The following ZNF177 variants were observed in gnomAD, a reference collection of about 807,000 sequenced individuals.
The protein encoded by ZNF177 is zinc finger protein 177.
A neutral mutation model predicts 19.4 loss-of-function variants in ZNF177; 17 were observed. That is an observed-to-expected ratio of 0.87 (90% confidence interval 0.60 to 1.31). ZNF177 has a LOEUF of 1.31. Ranked by LOEUF, ZNF177 falls within the 40% of genes most tolerant of loss-of-function variation. The pLI is 0.00. For synonymous variants in ZNF177, 220 were observed against 188.7 expected (o/e 1.17, Z -1.36); for missense variants, 633 against 561.8 (o/e 1.13, Z -1.28).
intron 2 of ZNF177, among the ~76,000 whole-genome samples, chr19:9,365,307 A>G (rs1034779837): frequency 6.6e-6 from 1 of 151,784 alleles, no homozygotes; most frequent in Non-Finnish European, 1.5e-5. Context: ...ATAGTGAAGG[A>G]GGCAAGCCCA....
At chr19:9,365,553 G>A (rs929054801) in intron 2 of ZNF177, among the ~76,000 whole-genome samples, 1 of 151,632 alleles carries the variant, frequency 6.6e-6, no homozygotes, top group East Asian at 1.9e-4. Flanking sequence ...CCCCAGAAAA[G>A]CAGTACTTGC....
exon 3 of ZNF177, chr19:9,378,992 G>C (rs2068150471): frequency 6.2e-7 from 1 of 1,609,506 alleles, no homozygotes; most frequent in African/African-American, 1.3e-5. Flanking sequence ...AGTGGCAGTG[G>C]ACTTTTCCCA....
chr19:9,376,023 T>C (rs1406228954), upstream of ZNF177, among the ~76,000 whole-genome samples: 2 of 152,210 alleles, frequency 1.3e-5, no homozygotes, highest in Non-Finnish European at 2.9e-5. Context: ...CTTTTTACTT[T>C]CGGGCTACAT....
At chr19:9,377,898 A>G (rs2122546205) in intron 1 of ZNF177, among the ~76,000 whole-genome samples, 1 of 152,288 alleles carries the variant, frequency 6.6e-6, no homozygotes, top group Admixed American at 6.5e-5. Flanking sequence ...AGATATTCCA[A>G]ACTCATCTTG....
exon 6 of ZNF177, chr19:9,380,901 C>T (rs1231662866): frequency 2.6e-6 from 4 of 1,536,110 alleles, no homozygotes; most frequent in Non-Finnish European, 3.5e-6. Context: ...AAGAGTCATC[C>T]CTCAGGAAAC....
At chr19:9,382,593 T>C (rs2068218331), downstream of ZNF177, 1 of 392,902 alleles carries the variant, frequency 2.5e-6, no homozygotes, top group Non-Finnish European at 4.5e-6. Flanking sequence ...ATCTAATAAA[T>C]GGTCAAGTTT....
At chr19:9,377,924 A>G (rs1047612631) in intron 1 of ZNF177, among the ~76,000 whole-genome samples, 4 of 152,150 alleles carry the variant, frequency 2.6e-5, no homozygotes, top group Admixed American at 2.6e-4. Flanking sequence ...TTCTTAGTCT[A>G]TACTAGACTC....
At chr19:9,366,381 C>T (rs1034695578) in intron 2 of ZNF177, among the ~76,000 whole-genome samples, 19 of 152,066 alleles carry the variant, frequency 1.2e-4, no homozygotes, top group African/African-American at 3.1e-4. Context: ...CTTAGCCTCC[C>T]GAGTAGGTAG....
chr19:9,379,918 A>C, intron 4 of ZNF177, 139 bp from the exon 7 acceptor site: 1 of 1,039,336 alleles, frequency 9.6e-7, no homozygotes, highest in Non-Finnish European at 1.4e-6. Context: ...TCACTGGTGA[A>C]TCACTGGTTG....
exon 6 of ZNF177, chr19:9,381,527 A>T: frequency 6.2e-7 from 1 of 1,614,080 alleles, no homozygotes. Context: ...TATGAGTGTA[A>T]CCAGTGTGGA....
intron 2 of ZNF177, among the ~76,000 whole-genome samples, chr19:9,369,807 C>T (rs1240445252): frequency 6.6e-6 from 1 of 152,076 alleles, no homozygotes; most frequent in African/African-American, 2.4e-5. Flanking sequence ...TGCATACTTA[C>T]AGTCTAAACC....
intron 2 of ZNF177, among the ~76,000 whole-genome samples, chr19:9,366,223 C>T (rs967844947): frequency 6.6e-6 from 1 of 152,082 alleles, no homozygotes; most frequent in Non-Finnish European, 1.5e-5. Context: ...CCTCGTGATG[C>T]GCCCACCTTG....
chr19:9,373,379 A>T (rs1211546238), upstream of ZNF177, among the ~76,000 whole-genome samples: 1 of 152,232 alleles, frequency 6.6e-6, no homozygotes, highest in Non-Finnish European at 1.5e-5. Context: ...TCCATATAGC[A>T]GCTATTATAA....
Position 9,365,529 on chromosome 19 carries a change from CAG to C in ZNF177, c.-305+582_-305+583del, listed in dbSNP as rs893369512. On this transcript the variant is annotated intron_variant, in intron 2 of 8. Coordinates refer to the ZNF177 transcript ENST00000343499. ...GGTAGACACATGGAGAGAAGGGGGT[CAG>C]GGGGTTCTTGCCCCCAGAAAAGCAG... is the stretch of plus-strand genomic sequence containing the variant. Among the ~76,000 whole-genome samples, 142 of 152,068 alleles carry C rather than the reference CAG, an allele frequency of 9.3e-4. 2 individuals are homozygous for C. The highest frequency in any genetic ancestry group is 4.2e-4 in the South Asian group (2 of 4,806).
chr19:9,381,332 A>T, exon 6 of ZNF177: 1 of 1,614,132 alleles, frequency 6.2e-7, no homozygotes, highest in Non-Finnish European at 8.5e-7. Context: ...AAAAGAACTC[A>T]CACTGGAGAG....
In ZNF177 at chr19:9,367,312, C is replaced by CA. The variant is rs892758051; in HGVS notation, c.-305+2374dup. On this transcript the variant is annotated intron_variant, in intron 2 of 8. Coordinates refer to the ZNF177 transcript ENST00000343499. ...CCTGGGAAACAGACCAAGAGTGTCT[C>CA]AAAAAAAAAATAAAAATAAAAATAA... Among the ~76,000 whole-genome samples the CA allele has an allele frequency of 7.3e-3, 1,037 of 142,788 alleles. 6 individuals carry two copies. Among genetic ancestry groups the CA allele is most frequent in the Admixed American group, 0.02 (290 of 14,410 alleles). 93.7% of individuals were successfully genotyped at this position (142,788 alleles called of 152,430 possible).
chr19:9,369,003 T>C (rs556817034), intron 2 of ZNF177, among the ~76,000 whole-genome samples: 1 of 152,166 alleles, frequency 6.6e-6, no homozygotes, highest in South Asian at 2.1e-4. Context: ...GGTATATATA[T>C]TTAAGGGGCC....
Position 9,376,847 on chromosome 19 carries a change from T to A in ZNF177, c.-54+424T>A, listed in dbSNP as rs141425110. The stretch of plus-strand genomic sequence containing the variant: ...GTATTAGGGTAATCTGGATTGAGTA[T>A]ATAATTACCTTTACCCCAGTGGGTT... On this transcript the variant is annotated intron_variant, in intron 1 of 5. Transcript: ENST00000589262. Among the ~76,000 whole-genome samples, 21 of 152,332 alleles carry A rather than the reference T, an allele frequency of 1.4e-4. No homozygotes were observed. In the East Asian group the frequency reaches 2.5e-3, roughly 18 times the overall value.
intron 5 of ZNF177, 86 bp downstream of exon 7, chr19:9,380,225 G>A (rs1282760405): frequency 1.4e-6 from 2 of 1,441,322 alleles, no homozygotes; most frequent in Non-Finnish European, 1.8e-6. Flanking sequence ...CCAAAGCAGG[G>A]GTAAGAATTC....
Sources: allele counts gnomAD v4.1 joint callset (sites outside exome capture counted in the v4.1 genomes callset), GRCh38; gene constraint gnomAD v4.1.1; transcripts MANE v1.5; gene names NCBI Gene and HGNC (gene_info 2026-07-23, HGNC 2026-07-21).